PSEN1: variants seen among roughly 807,000 people sequenced by gnomAD.
The protein encoded by PSEN1 is presenilin 1.
PSEN1 carries 15 observed loss-of-function variants against 53.5 expected under a neutral mutation model. The observed-to-expected ratio is 0.28, with a 90% CI of 0.19 to 0.43. The LOEUF is 0.43. Among genes scored for constraint, PSEN1 ranks in the 20% least tolerant of loss-of-function variants. The probability of loss-of-function intolerance (pLI) is 1.00; values close to 1 mark genes in which losing one functional copy is unlikely to be tolerated. For missense variants in PSEN1, 387 were observed against 571.2 expected (o/e 0.68, Z 3.29); for synonymous variants, 208 against 209.8 (o/e 0.99, Z 0.08).
chr14:73,179,339 G>A (rs907711225), intron 5 of PSEN1, among the ~76,000 whole-genome samples: 12 of 152,166 alleles, frequency 7.9e-5, no homozygotes, highest in African/African-American at 2.7e-4. Flanking sequence ...AAAGAATGCC[G>A]GGTGTGGTGG....
At chr14:73,209,840 C>CTG (rs955550887) in intron 9 of PSEN1, among the ~76,000 whole-genome samples, 3 of 152,192 alleles carry the variant, frequency 2.0e-5, no homozygotes, top group Non-Finnish European at 4.4e-5. Context: ...GCTGGATGAA[C>CTG]TGCAGGCTTC....
chr14:73,198,191 C>A, intron 8 of PSEN1, 62 bp downstream of exon 8: 1 of 965,926 alleles, frequency 1.0e-6, no homozygotes, highest in Admixed American at 1.9e-5. Context: ...AACTGAAGCA[C>A]ATGTAACTAT....
intron 10 of PSEN1, among the ~76,000 whole-genome samples, chr14:73,213,588 A>G (rs530241839): frequency 3.7e-4 from 56 of 152,346 alleles, no homozygotes; most frequent in African/African-American, 1.3e-3. Flanking sequence ...GGTACTTACC[A>G]AAAGGTTCAG....
rs890753152 is a variant in PSEN1 at position 73,204,936 on chromosome 14, C to G, written c.869-1450C>G. 2.6e-5 allele frequency among the ~76,000 whole-genome samples: 4 copies of G among 152,256 alleles called. No individual in the cohort carries two copies. In the East Asian group the frequency reaches 7.7e-4, roughly 29 times the overall value. On this transcript the variant is annotated intron_variant, in intron 8 of 11. Transcript: ENST00000324501. Reference sequence around the variant, plus strand: ...ACTTGGTGGTTGCCCTTCAGTTTTTCTTCTTTAGATCTGGATTTAGTTAAA... The same window carrying G: ...ACTTGGTGGTTGCCCTTCAGTTTTTGTTCTTTAGATCTGGATTTAGTTAAA...
intron 8 of PSEN1, among the ~76,000 whole-genome samples, chr14:73,198,621 G>A (rs1284157447): frequency 1.3e-5 from 2 of 152,232 alleles, no homozygotes; most frequent in African/African-American, 2.4e-5. Context: ...GATCTAGGTG[G>A]AAAGTAATGG....
chr14:73,208,750 G>A (rs977207609), intron 9 of PSEN1: 11 of 433,470 alleles, frequency 2.5e-5, no homozygotes, highest in South Asian at 1.9e-4. Flanking sequence ...GGAACTGGGA[G>A]CTTGGCCTCC....
chr14:73,149,168 A>G (rs545059941), intron 3 of PSEN1, among the ~76,000 whole-genome samples: 12 of 152,126 alleles, frequency 7.9e-5, no homozygotes, highest in African/African-American at 2.6e-4. Flanking sequence ...TTACCAGGCA[A>G]TAAGGTCTGG....
At chr14:73,159,999 T>C in intron 3 of PSEN1, 1 of 209,346 alleles carries the variant, frequency 4.8e-6, no homozygotes, top group Non-Finnish European at 1.1e-5. Flanking sequence ...ATTTTTTAAT[T>C]TTTTTGTAGA....
At chr14:73,190,163 A>G (rs1898662186) in intron 6 of PSEN1, among the ~76,000 whole-genome samples, 1 of 152,304 alleles carries the variant, frequency 6.6e-6, no homozygotes, top group African/African-American at 2.4e-5. Context: ...GACAGCTTAG[A>G]GGGGTAAAAA....
intron 3 of PSEN1, among the ~76,000 whole-genome samples, chr14:73,154,671 A>C (rs564281625): frequency 2.0e-5 from 3 of 152,330 alleles, no homozygotes; most frequent in African/African-American, 7.2e-5. Context: ...CAAAGGCTTG[A>C]AATATATGAC....
In PSEN1 at chr14:73,186,106, G is replaced by C. The variant is rs562664224; in HGVS notation, c.481-747G>C. Among the ~76,000 whole-genome samples the C allele has an allele frequency of 5.3e-5, 8 of 152,312 alleles. 1 individual carries two copies. The South Asian group carries it at 1.7e-3, about 32-fold the overall frequency. On this transcript the variant is annotated intron_variant, in intron 5 of 11. Coordinates refer to ENST00000324501, the MANE Select transcript of PSEN1 (RefSeq NM_000021.4). ...ATTTAGAATATTCAAATGTTGGCTA[G>C]GTGCGGTGGCAACCTGTAATCCTAG...
chr14:73,219,572 G>A lies in PSEN1; in HGVS notation c.*283G>A, dbSNP rs182230408. ...GAGGTCAAGGAGATATGATAGGCCC[G>A]GAAGTTGCTGTGCCCCATCAGCAGC... On this transcript the variant is annotated 3_prime_UTR_variant, in exon 12 of 12. Transcript: ENST00000324501. 3.3e-5 allele frequency: 14 copies of A among 429,626 alleles called. No individual in the cohort carries two copies. Among genetic ancestry groups the A allele is most frequent in the South Asian group, 6.5e-5 (3 of 46,302 alleles). 26.6% of individuals were successfully genotyped at this position (429,626 alleles called of 1,614,324 possible).
At chr14:73,160,844 G>T (rs1168361068) in intron 3 of PSEN1, among the ~76,000 whole-genome samples, 1 of 111,024 alleles carries the variant, frequency 9.0e-6, no homozygotes. Context: ...GTCTCGCTCT[G>T]TCGCCCATCC....
At chr14:73,152,440 G>GAA (rs560079238) in intron 3 of PSEN1, among the ~76,000 whole-genome samples, 14 of 104,034 alleles carry the variant, frequency 1.3e-4, no homozygotes, top group East Asian at 8.9e-4. Flanking sequence ...TTTCTACTAA[G>GAA]AAAAAAAAAA....
At chr14:73,215,698 A>G (rs1899885023) in intron 10 of PSEN1, among the ~76,000 whole-genome samples, 1 of 152,230 alleles carries the variant, frequency 6.6e-6, no homozygotes, top group Admixed American at 6.5e-5. Context: ...TGCTTTGACT[A>G]GACATTCTAC....
chr14:73,174,224 TTTTG>T (rs1054953319), intron 5 of PSEN1: 7 of 165,842 alleles, frequency 4.2e-5, no homozygotes, highest in African/African-American at 7.2e-5. Context: ...CTAAGTGGGT[TTTTG>T]TTTGTTTGTT....
At chr14:73,155,296 C>A (rs1200085645) in intron 3 of PSEN1, among the ~76,000 whole-genome samples, 1 of 152,078 alleles carries the variant, frequency 6.6e-6, no homozygotes, top group Non-Finnish European at 1.5e-5. Flanking sequence ...AATTAACTGG[C>A]CTCGCTAAAC....
chr14:73,181,418 C>CA (rs1331621820), intron 5 of PSEN1, among the ~76,000 whole-genome samples: 1 of 152,102 alleles, frequency 6.6e-6, no homozygotes, highest in Non-Finnish European at 1.5e-5. Flanking sequence ...GCCTGGGCAA[C>CA]AAGAGCAAAA....
intron 1 of PSEN1, chr14:73,147,520 G>A (rs1313056282): frequency 5.5e-6 from 1 of 182,776 alleles, no homozygotes; most frequent in Non-Finnish European, 1.2e-5. Flanking sequence ...AAAAAGGAAT[G>A]TTGAGAACAT....
Sources: gnomAD v4.1 joint callset for allele counts (sites outside exome capture counted in the v4.1 genomes callset) on GRCh38, gnomAD v4.1.1 for gene constraint, MANE v1.5 for transcripts, NCBI Gene and HGNC (gene_info 2026-07-23, HGNC 2026-07-21) for gene names.